The following DDIAS variants were observed in gnomAD, a reference collection of about 807,000 sequenced individuals.
DDIAS encodes DNA damage induced apoptosis suppressor, also known as DNA damage-induced apoptosis suppressor protein.
DDIAS carries 14 observed loss-of-function variants against 15.7 expected under a neutral mutation model. The observed-to-expected ratio is 0.89, with a 90% CI of 0.59 to 1.39. The LOEUF is 1.39. Ranked by LOEUF, DDIAS falls within the 40% of genes most tolerant of loss-of-function variation. The probability of loss-of-function intolerance (pLI) is 0.00; values close to 1 mark genes in which losing one functional copy is unlikely to be tolerated. For missense variants in DDIAS, 1,035 were observed against 1,130.9 expected (o/e 0.92, Z 1.22); for synonymous variants, 355 against 395.9 (o/e 0.90, Z 1.23).
intron 3 of DDIAS, among the ~76,000 whole-genome samples, chr11:82,923,694 T>C (rs950702581): frequency 6.6e-6 from 1 of 152,174 alleles, no homozygotes; most frequent in African/African-American, 2.4e-5. Flanking sequence ...GGTAAGACTC[T>C]AGGGCCCCCA....
intron 3 of DDIAS, among the ~76,000 whole-genome samples, chr11:82,916,248 T>A (rs562840026): frequency 7.5e-4 from 114 of 152,348 alleles, no homozygotes; most frequent in African/African-American, 2.6e-3. Context: ...AATGTTCTAG[T>A]AGAATACATA....
At chr11:82,903,283 G>A (rs1860360959) in intron 1 of DDIAS, among the ~76,000 whole-genome samples, 2 of 152,262 alleles carry the variant, frequency 1.3e-5, no homozygotes, top group South Asian at 4.1e-4. Context: ...ATATATGAGG[G>A]AAAAGTGAAT....
chr11:82,921,798 C>G (rs986893148), intron 3 of DDIAS, among the ~76,000 whole-genome samples: 1 of 151,960 alleles, frequency 6.6e-6, no homozygotes, highest in African/African-American at 2.4e-5. Context: ...AGGCTAGTCT[C>G]AAACTCCTGA....
At chr11:82,908,798 A>C (rs1359404772) in intron 1 of DDIAS, among the ~76,000 whole-genome samples, 1 of 152,222 alleles carries the variant, frequency 6.6e-6, no homozygotes, top group Non-Finnish European at 1.5e-5. Flanking sequence ...GCCTTATGTT[A>C]ACCAGTTATT....
chr11:82,917,059 G>A (rs777396850), intron 3 of DDIAS, among the ~76,000 whole-genome samples: 4 of 152,240 alleles, frequency 2.6e-5, no homozygotes, highest in Non-Finnish European at 5.9e-5. Flanking sequence ...CCTTGCCTAT[G>A]GAAACATAGT....
chr11:82,931,107 C>T (rs895325470), intron 5 of DDIAS, among the ~76,000 whole-genome samples: 2 of 152,054 alleles, frequency 1.3e-5, no homozygotes, highest in African/African-American at 4.8e-5. Flanking sequence ...AAACAGTAAT[C>T]CTGCATTTTT....
Position 82,933,852 on chromosome 11 carries a change from TGTA to T in DDIAS, c.2515_2517del (p.Val839del). ...CTAGCCAGAAAATCAGAAGCCCTAT[TGTA>T]TCTGGTGTTTCACAACCAGACGTTT... is the stretch of plus-strand genomic sequence containing the variant. On this transcript the variant is annotated inframe_deletion, in exon 6 of 6. Coordinates refer to ENST00000533655, the MANE Select transcript of DDIAS (RefSeq NM_145018.4). The T allele has an allele frequency of 6.2e-7, 1 of 1,614,118 alleles. No homozygotes were observed. Among genetic ancestry groups the T allele is most frequent in the Admixed American group, 1.7e-5 (1 of 60,010 alleles).
rs763750886 is a variant in DDIAS at position 82,931,756 on chromosome 11, G to T, written c.418G>T (p.Gly140Cys). 50 of 1,593,726 alleles carry T rather than the reference G, an allele frequency of 3.1e-5. 1 individual carries two copies. In the South Asian group the frequency reaches 4.4e-4, roughly 14 times the overall value. ...VTNFENQPGQ[G>C]SDASNFLQQC... ...GAATTTTGAAAACCAACCTGGACAA[G>T]GTTCAGATGCCAGTAACTTCTTACA... The change falls in exon 6 of 6, where the codon GGT becomes TGT. Residue 140 changes from glycine to cysteine, a missense_variant. Physicochemically the swap from Gly to Cys is radical, Grantham distance 159 (BLOSUM62 -3). Coordinates refer to ENST00000533655, the MANE Select transcript of DDIAS (RefSeq NM_145018.4).
At chr11:82,927,210 G>A (rs1051616171) in intron 3 of DDIAS, among the ~76,000 whole-genome samples, 3 of 152,170 alleles carry the variant, frequency 2.0e-5, no homozygotes, top group African/African-American at 4.8e-5. Context: ...ATGCATTATT[G>A]CATAGCCTTT....
chr11:82,904,552 A>G (rs1860388500), intron 1 of DDIAS, among the ~76,000 whole-genome samples: 1 of 152,220 alleles, frequency 6.6e-6, no homozygotes, highest in Non-Finnish European at 1.5e-5. Flanking sequence ...GTTACACACC[A>G]TGAGATAGTC....
At chr11:82,906,482 T>G (rs1860434155) in intron 1 of DDIAS, among the ~76,000 whole-genome samples, 1 of 152,216 alleles carries the variant, frequency 6.6e-6, no homozygotes, top group Non-Finnish European at 1.5e-5. Context: ...TATTTAAGTT[T>G]TTCATTTATT....
At chr11:82,914,702 A>T in intron 2 of DDIAS, 21 bp from the exon 3 acceptor site, 1 of 1,277,336 alleles carries the variant, frequency 7.8e-7, no homozygotes. Context: ...CAGTCATCCC[A>T]ATGGCTATTT....
At chr11:82,931,240 T>C (rs1290829991) in intron 5 of DDIAS, among the ~76,000 whole-genome samples, 2 of 146,020 alleles carry the variant, frequency 1.4e-5, no homozygotes, top group Admixed American at 1.3e-4. Context: ...CTCTTTACTC[T>C]AAGGTTTATA....
chr11:82,929,011 G>T, intron 4 of DDIAS, 73 bp downstream of exon 4: 1 of 1,486,428 alleles, frequency 6.7e-7, no homozygotes, highest in Non-Finnish European at 9.1e-7. Context: ...AAGGCAATAT[G>T]CATTTTTGTA....
chr11:82,910,933 A>C (rs1424142422), intron 1 of DDIAS, among the ~76,000 whole-genome samples: 6 of 152,252 alleles, frequency 3.9e-5, no homozygotes, highest in African/African-American at 1.4e-4. Context: ...CAAATATTGC[A>C]GTAAAGCAAG....
rs183640749 is a variant in DDIAS at position 82,912,982 on chromosome 11, T to G, written c.-116-305T>G. On this transcript the variant is annotated intron_variant, in intron 1 of 5. Transcript: ENST00000533655. ...ATTTATAGATTAAATTCATCTTATA[T>G]AGGTACAGTTTGTGGCACCCCAAAA... is the stretch of plus-strand genomic sequence containing the variant. Among the ~76,000 whole-genome samples, 11 of 152,296 alleles carry G rather than the reference T, an allele frequency of 7.2e-5. No homozygotes were observed. The East Asian group carries it at 1.7e-3, about 24-fold the overall frequency.
At chr11:82,914,415 ATCT>A (rs1417154731) in intron 2 of DDIAS, among the ~76,000 whole-genome samples, 4 of 152,358 alleles carry the variant, frequency 2.6e-5, no homozygotes, top group African/African-American at 9.6e-5. Flanking sequence ...CAAGTTGTGT[ATCT>A]TCTTGTAAAG....
Position 82,933,642 on chromosome 11 carries a change from T to C in DDIAS, c.2304T>C (p.Phe768=). 1 of 1,614,036 alleles carries C rather than the reference T, an allele frequency of 6.2e-7. No homozygotes were observed. Among genetic ancestry groups the C allele is most frequent in the Non-Finnish European group, 8.5e-7 (1 of 1,179,962 alleles). Residue 768 remains phenylalanine, a synonymous_variant, in exon 6 of 6, where the codon TTT becomes TTC. Coordinates refer to ENST00000533655, the MANE Select transcript of DDIAS (RefSeq NM_145018.4). ...SEYNFENSQD[F]VPCSQSTPIS... is the part of the protein sequence containing the mutation. ...ATAATTTTGAAAATAGTCAAGACTT[T>C]GTTCCATGTTCACAGTCAACTCCAA...
rs1861042233 is a variant in DDIAS, at chr11:82,933,295, C to T, written c.1957C>T (p.Pro653Ser). The T allele has an allele frequency of 6.2e-7, 1 of 1,613,800 alleles. No homozygotes were observed. Among genetic ancestry groups the T allele is most frequent in the Non-Finnish European group, 8.5e-7 (1 of 1,179,896 alleles). The stretch of plus-strand genomic sequence containing the variant: ...AAGTACAAATACATTGAAAGAAATG[C>T]CTTGGGGACATATCAATAACAACGT... ...NRSTNTLKEMPWGHINNNVTQ... is the reference protein window; with the variant it reads ...NRSTNTLKEMSWGHINNNVTQ... The change falls in exon 6 of 6, where the codon CCT becomes TCT. Residue 653 changes from proline to serine, a missense_variant. Physicochemically the swap from Pro to Ser is moderately conservative, Grantham distance 74. Coordinates refer to ENST00000533655, the MANE Select transcript of DDIAS (RefSeq NM_145018.4).
Sources: allele counts gnomAD v4.1 joint callset (sites outside exome capture counted in the v4.1 genomes callset), GRCh38; gene constraint gnomAD v4.1.1; transcripts MANE v1.5; gene names NCBI Gene and HGNC (gene_info 2026-07-23, HGNC 2026-07-21).